Variants in LDLRAD4 observed in about 807,000 individuals in gnomAD.
LDLRAD4 encodes the protein low-density lipoprotein receptor class A domain-containing protein 4.
In LDLRAD4, 5 loss-of-function variants were observed where a neutral mutation model predicts 17.0. The ratio of observed to expected loss-of-function variants is 0.29; its 90% CI spans 0.15 to 0.62. The LOEUF is 0.62. LDLRAD4 is among the 20% of genes least tolerant of loss of function. The pLI, the probability that LDLRAD4 is intolerant of heterozygous loss-of-function variation, is 0.84. For missense variants in LDLRAD4, 340 were observed against 424.7 expected, an observed-to-expected ratio of 0.80 and a Z score of 1.75; for synonymous variants, 168 against 171.8, an observed-to-expected ratio of 0.98 and a Z score of 0.17.
intron 3 of LDLRAD4, among the ~76,000 whole-genome samples, chr18:13,439,008 G>A (rs1160895549): frequency 6.6e-6 from 1 of 152,208 alleles, no homozygotes; most frequent in East Asian, 1.9e-4. Flanking sequence ...CTTCTCTTAG[G>A]AAAAGTGGCT....
Position 13,392,189 on chromosome 18 carries a change from C to T in LDLRAD4, c.40+4427C>T, listed in dbSNP as rs765366809. Among the ~76,000 whole-genome samples the T allele has an allele frequency of 4.6e-5, 7 of 152,222 alleles. 1 individual carries two copies. Among genetic ancestry groups the T allele is most frequent in the East Asian group, 3.9e-4 (2 of 5,194 alleles). ...GCCAGTTGCCTGTTCACAGTGACTG[C>T]GCTCAGAATTGGGTGTGTCCTCCAC... On this transcript the variant is annotated intron_variant, in intron 2 of 5. Coordinates refer to ENST00000359446, the Ensembl canonical transcript of LDLRAD4.
exon 6 of LDLRAD4, chr18:13,652,182 GGTACTAAAATTT>G (rs1449889806): frequency 1.4e-4 from 21 of 152,166 alleles, no homozygotes; most frequent in Admixed American, 1.4e-3. Flanking sequence ...TAGACTCAGA[GGTACTAAAATTT>G]GTTACCACAT....
chr18:13,395,012 C>T (rs1261378320), intron 2 of LDLRAD4, among the ~76,000 whole-genome samples: 1 of 152,190 alleles, frequency 6.6e-6, no homozygotes. Context: ...CCTGTGCTCT[C>T]TGTTGGCAGA....
chr18:13,349,570 A>G (rs536599590), intron 1 of LDLRAD4, among the ~76,000 whole-genome samples: 1 of 151,818 alleles, frequency 6.6e-6, no homozygotes, highest in South Asian at 2.1e-4. Flanking sequence ...GTGGTAATGA[A>G]CTCTCAGCTT....
chr18:13,375,330 T>C (rs541081446), intron 1 of LDLRAD4, among the ~76,000 whole-genome samples: 26 of 152,370 alleles, frequency 1.7e-4, no homozygotes, highest in African/African-American at 6.0e-4. Flanking sequence ...TTGGTATAAG[T>C]TATTTAAATG....
At chr18:13,237,572 C>G (rs928045104) in intron 1 of LDLRAD4, among the ~76,000 whole-genome samples, 6 of 152,128 alleles carry the variant, frequency 3.9e-5, no homozygotes, top group African/African-American at 1.4e-4. Flanking sequence ...GCAGTTAGTT[C>G]GAAGACATTC....
At chr18:13,568,473 C>G (rs1220746327) in intron 3 of LDLRAD4, among the ~76,000 whole-genome samples, 1 of 152,158 alleles carries the variant, frequency 6.6e-6, no homozygotes, top group Non-Finnish European at 1.5e-5. Flanking sequence ...AGCCAGGACA[C>G]TCACACTGCA....
intron 1 of LDLRAD4, among the ~76,000 whole-genome samples, chr18:13,305,880 A>G (rs2046881962): frequency 6.6e-6 from 1 of 152,256 alleles, no homozygotes; most frequent in Non-Finnish European, 1.5e-5. Flanking sequence ...GCTATTAGAA[A>G]GCTCACCTAT....
chr18:13,341,034 A>T (rs2082346336), intron 1 of LDLRAD4, among the ~76,000 whole-genome samples: 1 of 152,082 alleles, frequency 6.6e-6, no homozygotes, highest in African/African-American at 2.4e-5. Context: ...GTTGTATTGT[A>T]TCTGTGAAGT....
At chr18:13,301,420 G>T (rs2046592162) in intron 1 of LDLRAD4, among the ~76,000 whole-genome samples, 1 of 151,528 alleles carries the variant, frequency 6.6e-6, no homozygotes, top group African/African-American at 2.4e-5. Flanking sequence ...GTGACAGAAG[G>T]CTGGGGCTTG....
chr18:13,248,632 T>A (rs1012468380), intron 1 of LDLRAD4, among the ~76,000 whole-genome samples: 2 of 152,238 alleles, frequency 1.3e-5, no homozygotes, highest in Non-Finnish European at 2.9e-5. Flanking sequence ...TATTTTATTT[T>A]AAAAATGGAC....
At chr18:13,223,151 A>C (rs59877587) in intron 1 of LDLRAD4, among the ~76,000 whole-genome samples, 4,191 of 152,164 alleles carry the variant, frequency 0.028, 211 homozygotes, top group African/African-American at 0.095. Context: ...GCCCCTGCCA[A>C]ATGATTTGCT....
intron 1 of LDLRAD4, among the ~76,000 whole-genome samples, chr18:13,220,704 A>G (rs1428734073): frequency 6.6e-6 from 1 of 152,228 alleles, no homozygotes; most frequent in East Asian, 1.9e-4. Flanking sequence ...ACTGTGCTGT[A>G]GTCTTGGTTG....
intron 3 of LDLRAD4, chr18:13,611,523 G>A: frequency 2.0e-6 from 2 of 985,296 alleles, no homozygotes; most frequent in Non-Finnish European, 2.4e-6. Context: ...GAAACAAACT[G>A]TTTAGACCTC....
chr18:13,493,296 T>C (rs1461627165), intron 3 of LDLRAD4, among the ~76,000 whole-genome samples: 1 of 152,232 alleles, frequency 6.6e-6, no homozygotes, highest in Non-Finnish European at 1.5e-5. Context: ...TTCTCCTTTT[T>C]AGTCGAGTGA....
At chr18:13,546,243 G>A (rs572833785) in intron 3 of LDLRAD4, among the ~76,000 whole-genome samples, 1 of 152,224 alleles carries the variant, frequency 6.6e-6, no homozygotes, top group African/African-American at 2.4e-5. Context: ...GGTAAGGGAG[G>A]GGAGTTCAGT....
intron 1 of LDLRAD4, among the ~76,000 whole-genome samples, chr18:13,282,182 C>T (rs1281847147): frequency 2.0e-5 from 3 of 152,174 alleles, no homozygotes; most frequent in Non-Finnish European, 2.9e-5. Context: ...CTGGGAGATA[C>T]AAGTCAAGTT....
At position 13,527,216 on chromosome 18, in the gene LDLRAD4, A is replaced by G. The variant is rs2094046932; in HGVS notation, c.181+88832A>G. Reference sequence around the variant, plus strand: ...ATAAGTGAATTTAATGGTGCTCAGAAAATACCAGTTCTACAGACACTTCAT... The same window carrying G: ...ATAAGTGAATTTAATGGTGCTCAGAGAATACCAGTTCTACAGACACTTCAT... On this transcript the variant is annotated intron_variant, in intron 3 of 5. Coordinates refer to ENST00000359446, the Ensembl canonical transcript of LDLRAD4. 4.6e-5 allele frequency among the ~76,000 whole-genome samples: 7 copies of G among 152,270 alleles called. No individual in the cohort carries two copies. In the South Asian group the frequency reaches 1.4e-3, roughly 31 times the overall value.
rs1372696674 is a variant in LDLRAD4 at position 13,599,073 on chromosome 18, C to G, written c.182-22044C>G. On this transcript the variant is annotated intron_variant, in intron 3 of 5. Coordinates refer to ENST00000359446, the Ensembl canonical transcript of LDLRAD4. The stretch of plus-strand genomic sequence containing the variant: ...AGGAAGGCCAAGTGGTAATAGGAAG[C>G]CTATGGCCTCTTGACTGCATTCACC... Among the ~76,000 whole-genome samples the G allele has an allele frequency of 2.6e-5, 4 of 152,226 alleles. No homozygotes were observed. In the East Asian group the frequency reaches 5.8e-4, roughly 22 times the overall value.
Sources: allele counts gnomAD v4.1 joint callset (sites outside exome capture counted in the v4.1 genomes callset), GRCh38; gene constraint gnomAD v4.1.1; transcripts MANE v1.5; gene names NCBI Gene and HGNC (gene_info 2026-07-23, HGNC 2026-07-21).